Variants in INPP4A observed in about 807,000 individuals in gnomAD.
INPP4A encodes inositol polyphosphate-4-phosphatase, type I, 107kD.
INPP4A carries 33 observed loss-of-function variants against 119.8 expected under a neutral mutation model. That is an observed-to-expected ratio of 0.28 (90% CI 0.21 to 0.37). The LOEUF (loss-of-function observed/expected upper bound fraction) is 0.37. Among genes scored for constraint, INPP4A ranks in the 10% least tolerant of loss-of-function variants. The pLI, the probability that INPP4A is intolerant of heterozygous loss-of-function variation, is 1.00. For synonymous variants in INPP4A, 496 were observed against 500.7 expected (o/e 0.99, Z 0.12); for missense variants, 956 against 1,289.9 (o/e 0.74, Z 3.97).
intron 1 of INPP4A, among the ~76,000 whole-genome samples, chr2:98,473,132 T>C (rs1176018540): frequency 7.8e-6 from 1 of 127,980 alleles, no homozygotes; most frequent in African/African-American, 3.1e-5. Flanking sequence ...GCAGTGTGGG[T>C]GCAGTGAAGA....
chr2:98,578,907 G>A (rs1698857822), intron 24 of INPP4A, among the ~76,000 whole-genome samples: 1 of 152,184 alleles, frequency 6.6e-6, no homozygotes, highest in South Asian at 2.1e-4. Flanking sequence ...CATGCCTATG[G>A]GCGTGAGTAT....
At chr2:98,580,732 G>A (rs921838928) in intron 24 of INPP4A, among the ~76,000 whole-genome samples, 1 of 152,262 alleles carries the variant, frequency 6.6e-6, no homozygotes, top group African/African-American at 2.4e-5. Context: ...CCATCTCCAA[G>A]TGGAGCCTTC....
chr2:98,567,922 AG>A (rs1286470002), intron 21 of INPP4A, among the ~76,000 whole-genome samples: 3 of 152,294 alleles, frequency 2.0e-5, no homozygotes, highest in South Asian at 2.1e-4. Flanking sequence ...AAGGCCCCTC[AG>A]CAGGGATGTG....
rs367974874 is a variant in INPP4A, at chr2:98,535,604, C to T, written c.271-125C>T. On this transcript the variant is annotated intron_variant, in intron 5 of 24. Coordinates refer to ENST00000409851, the MANE Select transcript of INPP4A (RefSeq NM_001134225.2). Reference sequence around the variant, plus strand: ...ATGTATTTATTTAAGCCGCCTTTAGCATTTGTGTTGATTCAAGGCAGTGAG... The same window carrying T: ...ATGTATTTATTTAAGCCGCCTTTAGTATTTGTGTTGATTCAAGGCAGTGAG... The T allele has an allele frequency of 3.6e-5, 22 of 618,152 alleles. No homozygotes were observed. In the African/African-American group the frequency reaches 3.6e-4, roughly 10 times the overall value. 38.3% of individuals were successfully genotyped at this position (618,152 alleles called of 1,614,324 possible).
chr2:98,479,888 A>T (rs1678053233), intron 1 of INPP4A, among the ~76,000 whole-genome samples: 2 of 152,110 alleles, frequency 1.3e-5, no homozygotes. Flanking sequence ...CTGTGCACTT[A>T]CCTAAAACTG....
chr2:98,461,578 T>A (rs144122033), intron 1 of INPP4A, among the ~76,000 whole-genome samples: 1 of 152,230 alleles, frequency 6.6e-6, no homozygotes, highest in Non-Finnish European at 1.5e-5. Context: ...GGCTTAAAAA[T>A]TGTAAAATAT....
chr2:98,451,395 G>T (rs903009823), intron 1 of INPP4A, among the ~76,000 whole-genome samples: 1 of 152,112 alleles, frequency 6.6e-6, no homozygotes, highest in Non-Finnish European at 1.5e-5. Flanking sequence ...TCTGGAATAG[G>T]GTCAGGAAGA....
At chr2:98,480,290 A>G (rs1469241251) in intron 1 of INPP4A, among the ~76,000 whole-genome samples, 1 of 152,198 alleles carries the variant, frequency 6.6e-6, no homozygotes, top group Non-Finnish European at 1.5e-5. Context: ...CATTTACCAT[A>G]TGCTGGGCAT....
chr2:98,559,401 T>A (rs1695054006), intron 16 of INPP4A, 62 bp from the exon 17 acceptor site: 19 of 1,588,508 alleles, frequency 1.2e-5, no homozygotes, highest in Non-Finnish European at 1.6e-5. Flanking sequence ...TGAGATTGAG[T>A]TGCTTGGTTT....
chr2:98,480,641 G>A (rs1029634613), intron 1 of INPP4A, among the ~76,000 whole-genome samples: 1 of 152,212 alleles, frequency 6.6e-6, no homozygotes, highest in African/African-American at 2.4e-5. Flanking sequence ...TCTGTGCACT[G>A]AAGGAGTAAA....
chr2:98,452,083 G>A (rs746167516), intron 1 of INPP4A, among the ~76,000 whole-genome samples: 3 of 152,174 alleles, frequency 2.0e-5, no homozygotes, highest in Non-Finnish European at 4.4e-5. Context: ...GATGGTCGTT[G>A]GGGGCAGTGG....
At chr2:98,583,739 A>G (rs1699645117) in intron 24 of INPP4A, among the ~76,000 whole-genome samples, 1 of 152,200 alleles carries the variant, frequency 6.6e-6, no homozygotes, top group African/African-American at 2.4e-5. Context: ...CCAGTCGACC[A>G]CAAAAGGCAG....
chr2:98,466,625 G>C (rs567944272), intron 1 of INPP4A, among the ~76,000 whole-genome samples: 2 of 152,216 alleles, frequency 1.3e-5, no homozygotes, highest in South Asian at 4.1e-4. Flanking sequence ...AGGTTTCAGA[G>C]GTCTTTCTGT....
chr2:98,482,655 C>A (rs1032626664), intron 1 of INPP4A, among the ~76,000 whole-genome samples: 35 of 152,330 alleles, frequency 2.3e-4, no homozygotes, highest in African/African-American at 7.9e-4. Context: ...TCAGTGCTGA[C>A]AGTAGGCAAG....
At chr2:98,462,915 C>T (rs547978532) in intron 1 of INPP4A, among the ~76,000 whole-genome samples, 3 of 152,154 alleles carry the variant, frequency 2.0e-5, no homozygotes, top group Non-Finnish European at 2.9e-5. Context: ...AATCTTGGCT[C>T]ACTGCAACCT....
chr2:98,532,652 C>A (rs112757981), intron 4 of INPP4A, among the ~76,000 whole-genome samples: 2,356 of 152,244 alleles, frequency 0.015, 69 homozygotes, highest in African/African-American at 0.054. Flanking sequence ...TGGACAGCTA[C>A]TGTACTAAAT....
chr2:98,555,331 CCAAACTCTAAAAACAA>C (rs1694258333), intron 15 of INPP4A, among the ~76,000 whole-genome samples: 1 of 152,230 alleles, frequency 6.6e-6, no homozygotes, highest in Non-Finnish European at 1.5e-5. Flanking sequence ...CAAACATCTC[CCAAACTCTAAAAACAA>C]TGGCCGCAGG....
intron 1 of INPP4A, among the ~76,000 whole-genome samples, chr2:98,506,569 C>T (rs1356221376): frequency 6.6e-6 from 1 of 152,216 alleles, no homozygotes; most frequent in Non-Finnish European, 1.5e-5. Flanking sequence ...CCATGGAGAC[C>T]AGATGAGGCA....
At position 98,444,902 on chromosome 2, in the gene INPP4A, G is replaced by A. The variant is rs1017295151; in HGVS notation, c.-349G>A. 10 of 151,640 alleles carry A rather than the reference G, an allele frequency of 6.6e-5. No homozygotes were observed. Among genetic ancestry groups the A allele is most frequent in the African/African-American group, 2.2e-4 (9 of 41,334 alleles). The allele number at this position is 151,640 out of a possible 1,614,324, so 9.4% of individuals were successfully genotyped here. A position where few individuals can be genotyped will look rare whatever the true frequency, so the allele number is the denominator to read the frequency against. On this transcript the variant is annotated 5_prime_UTR_variant, in exon 1 of 25. Transcript: ENST00000409851. ...GGCTAGGGCTGCGGCGCGCGTGGAGGGTTCGCTGCTGGTTTGCCGCCGGGT... is the reference window on the plus strand; with the variant it reads ...GGCTAGGGCTGCGGCGCGCGTGGAGAGTTCGCTGCTGGTTTGCCGCCGGGT...
Sources: gnomAD v4.1 joint callset for allele counts (sites outside exome capture counted in the v4.1 genomes callset) on GRCh38, gnomAD v4.1.1 for gene constraint, MANE v1.5 for transcripts, NCBI Gene and HGNC (gene_info 2026-07-23, HGNC 2026-07-21) for gene names.